The following PDE1C variants were observed in gnomAD, a reference collection of about 807,000 sequenced individuals.
PDE1C encodes dual specificity calcium/calmodulin-dependent 3',5'-cyclic nucleotide phosphodiesterase 1C.
PDE1C carries 62 observed loss-of-function variants against 93.1 expected under a neutral mutation model. The observed-to-expected ratio is 0.67, with a 90% CI of 0.54 to 0.82. PDE1C has a LOEUF of 0.82. Among genes scored for constraint, PDE1C ranks in the 40% least tolerant of loss-of-function variants. The probability of loss-of-function intolerance (pLI) is 0.00; values close to 1 mark genes in which losing one functional copy is unlikely to be tolerated. For missense variants in PDE1C, 742 were observed against 884.6 expected (o/e 0.84, Z 2.04); for synonymous variants, 325 against 310.1 (o/e 1.05, Z -0.50).
intron 2 of PDE1C, among the ~76,000 whole-genome samples, chr7:32,028,939 C>T (rs1789869962): frequency 1.3e-5 from 2 of 151,988 alleles, no homozygotes; most frequent in Admixed American, 1.3e-4. Flanking sequence ...AAACAATTAA[C>T]AAGGTACGGA....
At chr7:31,727,265 A>T in the PDE1C span, among the ~76,000 whole-genome samples, 1 of 152,180 alleles carries the variant, frequency 6.6e-6, no homozygotes, top group South Asian at 2.1e-4. Context: ...TAGCTTGTTC[A>T]ACTACAAGTG....
At chr7:32,200,785 G>T (rs1804953620) in intron 2 of PDE1C, among the ~76,000 whole-genome samples, 4 of 152,152 alleles carry the variant, frequency 2.6e-5, no homozygotes, top group Admixed American at 2.6e-4. Flanking sequence ...AGGCCACCCA[G>T]ACTCAAGGGA....
chr7:32,279,491 G>T (rs1811489879), intron 1 of PDE1C, among the ~76,000 whole-genome samples: 1 of 152,046 alleles, frequency 6.6e-6, no homozygotes, highest in African/African-American at 2.4e-5. Context: ...ACAATGAAAG[G>T]ATCAATGTTT....
At chr7:31,657,093 GAT>G in the PDE1C span, among the ~76,000 whole-genome samples, 5 of 3,620 alleles carry the variant, frequency 1.4e-3, no homozygotes, top group African/African-American at 3.9e-3. Context: ...TTTTATATAT[GAT>G]ATATATAAAA....
chr7:32,386,130 T>C (rs569444825), intron 1 of PDE1C, among the ~76,000 whole-genome samples: 1 of 149,324 alleles, frequency 6.7e-6, no homozygotes, highest in Admixed American at 6.7e-5. Context: ...ATGTATATAT[T>C]TACAAATTGT....
At chr7:31,710,969 G>A in the PDE1C span, among the ~76,000 whole-genome samples, 1 of 152,138 alleles carries the variant, frequency 6.6e-6, no homozygotes, top group Non-Finnish European at 1.5e-5. Context: ...GCTCTACCTT[G>A]GACACTCCAA....
At chr7:31,807,666 G>T (rs940345578) in intron 16 of PDE1C, among the ~76,000 whole-genome samples, 2 of 151,910 alleles carry the variant, frequency 1.3e-5, no homozygotes, top group African/African-American at 2.4e-5. Context: ...GTTGGATACA[G>T]GATGGAGAAA....
chr7:31,810,588 A>G (rs1787424613), intron 15 of PDE1C, among the ~76,000 whole-genome samples: 1 of 152,064 alleles, frequency 6.6e-6, no homozygotes, highest in Admixed American at 6.6e-5. Flanking sequence ...TGTTTTCCAA[A>G]TTTAAGTTTT....
intron 3 of PDE1C, among the ~76,000 whole-genome samples, chr7:32,164,021 T>G (rs1802072910): frequency 1.3e-5 from 2 of 152,220 alleles, no homozygotes; most frequent in African/African-American, 4.8e-5. Context: ...AAAGCATTAC[T>G]CAAATCATGT....
chr7:31,821,536 C>T (rs1788957236), intron 14 of PDE1C, among the ~76,000 whole-genome samples: 1 of 152,096 alleles, frequency 6.6e-6, no homozygotes, highest in South Asian at 2.1e-4. Flanking sequence ...GCTGCCATCG[C>T]TGCTTGCAAT....
chr7:32,152,318 G>A (rs553022586), intron 3 of PDE1C, among the ~76,000 whole-genome samples: 1 of 152,186 alleles, frequency 6.6e-6, no homozygotes, highest in African/African-American at 2.4e-5. Context: ...CATAAAAGAG[G>A]GAAGCTATGG....
At chr7:31,760,459 C>G (rs1429117734) in intron 17 of PDE1C, among the ~76,000 whole-genome samples, 1 of 152,072 alleles carries the variant, frequency 6.6e-6, no homozygotes, top group Admixed American at 6.6e-5. Flanking sequence ...ATATGATTTC[C>G]CATAGCACTG....
At chr7:32,315,024 T>C (rs896273150) in intron 1 of PDE1C, among the ~76,000 whole-genome samples, 21 of 147,914 alleles carry the variant, frequency 1.4e-4, no homozygotes, top group African/African-American at 5.3e-4. Context: ...CTTTTATATC[T>C]CGGATGTGGC....
intron 16 of PDE1C, chr7:31,808,240 G>T: frequency 2.2e-6 from 1 of 449,360 alleles, no homozygotes. Context: ...CTCCAGGGAG[G>T]TATGATTTAG....
chr7:32,066,188 C>A (rs896316949), intron 1 of PDE1C, among the ~76,000 whole-genome samples: 1 of 152,104 alleles, frequency 6.6e-6, no homozygotes, highest in African/African-American at 2.4e-5. Flanking sequence ...TACTTGAAAC[C>A]AACTTTTATT....
At chr7:32,262,607 G>A (rs1436413358) in intron 1 of PDE1C, among the ~76,000 whole-genome samples, 4 of 152,172 alleles carry the variant, frequency 2.6e-5, no homozygotes, top group Non-Finnish European at 4.4e-5. Context: ...ACTGCAGGGA[G>A]CCAAGCTGGG....
chr7:31,967,786 A>G lies in PDE1C; in HGVS notation c.128+83768T>C, dbSNP rs368567013. ...TGATCAAGTGGGCTTCATCCCTGGG[A>G]TGCAAGGCTGGTTCAACATACGCAA... On this transcript the variant is annotated intron_variant, in intron 2 of 17. Transcript: ENST00000396191. Among the ~76,000 whole-genome samples, 12 of 152,338 alleles carry G rather than the reference A, an allele frequency of 7.9e-5. 3 individuals carry two copies. The highest frequency in any genetic ancestry group is 2.1e-4 in the South Asian group (1 of 4,826).
intron 2 of PDE1C, among the ~76,000 whole-genome samples, chr7:31,884,977 C>A (rs893541174): frequency 2.6e-5 from 4 of 152,176 alleles, no homozygotes; most frequent in African/African-American, 4.8e-5. Context: ...GAGGGCTCAA[C>A]TGCTCTTCTT....
the PDE1C span, among the ~76,000 whole-genome samples, chr7:31,705,469 TC>T: frequency 6.7e-6 from 1 of 148,266 alleles, no homozygotes; most frequent in East Asian, 2.2e-4. Context: ...GAGAAATATC[TC>T]CCACTGTGTT....
Sources: allele counts gnomAD v4.1 joint callset (sites outside exome capture counted in the v4.1 genomes callset), GRCh38; gene constraint gnomAD v4.1.1; transcripts MANE v1.5; gene names NCBI Gene and HGNC (gene_info 2026-07-23, HGNC 2026-07-21).